EPB41L1: variants seen among roughly 807,000 people sequenced by gnomAD.
EPB41L1 encodes the protein erythrocyte membrane protein band 4.1 like 1, also known as band 4.1-like protein 1.
A neutral mutation model predicts 97.8 loss-of-function variants in EPB41L1; 29 were observed. The ratio of observed to expected loss-of-function variants is 0.30; its 90% CI spans 0.22 to 0.40. EPB41L1 has a LOEUF of 0.40. EPB41L1 is among the 10% of genes least tolerant of loss of function. The pLI is 1.00. For synonymous variants in EPB41L1, 383 were observed against 459.2 expected (o/e 0.83, Z 2.12); for missense variants, 812 against 1,162.3 (o/e 0.70, Z 4.38).
At chr20:36,193,153 G>A (rs2086278821) in intron 11 of EPB41L1, among the ~76,000 whole-genome samples, 1 of 152,170 alleles carries the variant, frequency 6.6e-6, no homozygotes, top group African/African-American at 2.4e-5. Flanking sequence ...GGCAGCAGAG[G>A]TTAGCCCAGA....
At chr20:36,129,313 T>A (rs184274051) in intron 2 of EPB41L1, among the ~76,000 whole-genome samples, 2 of 152,116 alleles carry the variant, frequency 1.3e-5, no homozygotes, top group Non-Finnish European at 2.9e-5. Flanking sequence ...TGGGCTGGAC[T>A]GCGGGGTGAA....
intron 2 of EPB41L1, among the ~76,000 whole-genome samples, chr20:36,117,362 A>T (rs1476957113): frequency 6.6e-6 from 1 of 152,156 alleles, no homozygotes; most frequent in Non-Finnish European, 1.5e-5. Flanking sequence ...GATTTCTCCA[A>T]TCCTTCTTGA....
Position 36,197,976 on chromosome 20 carries a change from G to C in EPB41L1, c.1603G>C (p.Glu535Gln), listed in dbSNP as rs143956221. The C allele has an allele frequency of 1.4e-5, 22 of 1,614,014 alleles. No individual in the cohort carries two copies. The African/African-American group carries it at 2.9e-4, about 22-fold the overall frequency. ...LIHRDRDWER[E>Q]RRLPSSPASP... ...CCACCGGGATCGAGACTGGGAACGG[G>C]AGCGCAGGCTGCCCTCCTCCCCCGC... Residue 535 changes from glutamate (E) to glutamine (Q), a missense_variant, in exon 14 of 22, where the codon GAG becomes CAG. By Grantham distance (29) the Glu-to-Gln change is conservative. Around this residue, in one of 3 missense-constraint regions of EPB41L1, gnomAD observed 498 missense variants for 622.7 expected, o/e 0.80. Coordinates refer to ENST00000338074, the MANE Select transcript of EPB41L1 (RefSeq NM_012156.2).
intron 2 of EPB41L1, among the ~76,000 whole-genome samples, chr20:36,132,722 A>G (rs2059267121): frequency 7.1e-6 from 1 of 141,558 alleles, no homozygotes; most frequent in Non-Finnish European, 1.5e-5. Flanking sequence ...GTGGCCGGGG[A>G]GGGGTATGAG....
At position 36,195,873 on chromosome 20, in the gene EPB41L1, G is replaced by GGGGA. The variant is rs2062175674; in HGVS notation, c.1485+516_1485+519dup. Among the ~76,000 whole-genome samples, 1 of 152,100 alleles carries GGGGA rather than the reference G, an allele frequency of 6.6e-6. No homozygotes were observed. Among genetic ancestry groups the GGGGA allele is most frequent in the African/African-American group, 2.4e-5 (1 of 41,428 alleles). The stretch of plus-strand genomic sequence containing the variant: ...GATGTGGGAGTGGGGATTGGGGGTG[G>GGGGA]GGGAGGGAGGTGCCTCAGAGCACAC... On this transcript the variant is annotated intron_variant, in intron 13 of 21. Coordinates refer to ENST00000338074, the MANE Select transcript of EPB41L1 (RefSeq NM_012156.2). This position sits in a 1 kb window ranked among gnomAD's most constrained non-coding sequence, Gnocchi z 4.6.
intron 13 of EPB41L1, chr20:36,197,621 G>A (rs2062271414): frequency 2.0e-6 from 2 of 985,382 alleles, no homozygotes; most frequent in Non-Finnish European, 1.2e-6. Context: ...AAGGTGGCTT[G>A]ACTAGACATC....
chr20:36,165,022 CCCAGGCT>C (rs2060682100), intron 1 of EPB41L1, among the ~76,000 whole-genome samples: 1 of 150,966 alleles, frequency 6.6e-6, no homozygotes, highest in African/African-American at 2.4e-5. Flanking sequence ...CGTTCTGTCA[CCCAGGCT>C]GGAGTGCAGT....
At chr20:36,196,764 T>C (rs966538534) in intron 13 of EPB41L1, among the ~76,000 whole-genome samples, 1 of 152,360 alleles carries the variant, frequency 6.6e-6, no homozygotes, top group African/African-American at 2.4e-5. Context: ...TGAGTTAACA[T>C]GAATTTTTAA....
chr20:36,208,677 A>C (rs546326158), intron 14 of EPB41L1, among the ~76,000 whole-genome samples: 35 of 152,238 alleles, frequency 2.3e-4, no homozygotes, highest in Non-Finnish European at 4.1e-4. Context: ...TGGTCTTTAA[A>C]AAGAATGTTA....
chr20:36,137,850 A>T (rs893871756), intron 2 of EPB41L1, among the ~76,000 whole-genome samples: 2 of 152,202 alleles, frequency 1.3e-5, no homozygotes, highest in African/African-American at 2.4e-5. Flanking sequence ...AAAAAGTGAA[A>T]CTATATCCAT....
At chr20:36,095,219 G>A (rs550952591) in intron 1 of EPB41L1, among the ~76,000 whole-genome samples, 28 of 152,208 alleles carry the variant, frequency 1.8e-4, no homozygotes, top group East Asian at 5.8e-4. Flanking sequence ...TGATCCACCC[G>A]CCTCGGCCTC....
chr20:36,130,027 C>T (rs764271504), intron 2 of EPB41L1, among the ~76,000 whole-genome samples: 6 of 151,598 alleles, frequency 4.0e-5, no homozygotes, highest in South Asian at 2.1e-4. Flanking sequence ...CTGCAACCTC[C>T]GCCCCCCAGG....
intron 1 of EPB41L1, among the ~76,000 whole-genome samples, chr20:36,094,560 T>G (rs1218071275): frequency 2.0e-5 from 3 of 152,176 alleles, no homozygotes; most frequent in Admixed American, 1.3e-4. Context: ...CCCCCTTTGC[T>G]GCTTGGCTTG....
chr20:36,160,033 C>T (rs1004356541), intron 1 of EPB41L1, among the ~76,000 whole-genome samples: 7 of 152,002 alleles, frequency 4.6e-5, no homozygotes, highest in African/African-American at 7.3e-5. Flanking sequence ...ATGATGATGT[C>T]ATGATGTGAT....
Position 36,229,842 on chromosome 20 carries a change from T to G in EPB41L1, c.*502T>G, listed in dbSNP as rs931534984. 6.5e-6 allele frequency: 1 copy of G among 152,894 alleles called. No homozygotes were observed. 9.5% of individuals were successfully genotyped at this position (152,894 alleles called of 1,614,324 possible). On this transcript the variant is annotated 3_prime_UTR_variant, in exon 22 of 22. Transcript: ENST00000338074. The stretch of plus-strand genomic sequence containing the variant: ...CCCACTTGAATGCAAAGGAAAACAC[T>G]TGCACAGCAAAGCAAGAGAAGTCAC...
In EPB41L1 at chr20:36,212,304, T is replaced by C; in HGVS notation, c.2112T>C (p.Ser704=). ...AAACAGAAACCATGACTGTCAGCAG[T>C]CTGGCCATTAGAAAGAAGATTGAGC... ...PVKTETMTVS[S]LAIRKKIEPE... The change falls in exon 16 of 22, where the codon AGT becomes AGC. Residue 704 remains serine (S), a synonymous_variant. Coordinates refer to ENST00000338074, the MANE Select transcript of EPB41L1 (RefSeq NM_012156.2). The surrounding 1 kb of genome is among the most constrained non-coding windows in gnomAD (Gnocchi z 4.8). The C allele has an allele frequency of 6.2e-7, 1 of 1,614,178 alleles. No homozygotes were observed. The highest frequency in any genetic ancestry group is 1.3e-5 in the African/African-American group (1 of 75,026).
chr20:36,206,441 A>T lies in EPB41L1; in HGVS notation c.1669-3047A>T. 3.1e-6 allele frequency: 4 copies of T among 1,290,046 alleles called. No homozygotes were observed. Among genetic ancestry groups the T allele is most frequent in the Non-Finnish European group, 4.0e-6 (4 of 988,922 alleles). 79.9% of individuals were successfully genotyped at this position (1,290,046 alleles called of 1,614,324 possible). A position where few individuals can be genotyped will look rare whatever the true frequency, so the allele number is the denominator to read the frequency against. On this transcript the variant is annotated intron_variant, in intron 14 of 21. Coordinates refer to ENST00000338074, the MANE Select transcript of EPB41L1 (RefSeq NM_012156.2). The surrounding 1 kb of genome is among the most constrained non-coding windows in gnomAD (Gnocchi z 5.5). ...GAAGCCAGAGCTGAGTTGAGCAATG[A>T]AACTGATACTTCCTTTGCAGAGAGG...
rs544761422 is a variant in EPB41L1 at position 36,187,891 on chromosome 20, T to G, written c.873+128T>G. On this transcript the variant is annotated intron_variant, in intron 8 of 21. Transcript: ENST00000338074. Reference sequence around the variant, plus strand: ...AACTTGAAACCTTTTCTGTTCTCATTCTCATTTCTCGAAGTTCCATAACCT... The same window carrying G: ...AACTTGAAACCTTTTCTGTTCTCATGCTCATTTCTCGAAGTTCCATAACCT... 5.0e-5 allele frequency: 39 copies of G among 782,620 alleles called. No individual in the cohort carries two copies. The South Asian group carries it at 5.7e-4, about 11-fold the overall frequency. 48.5% of individuals were successfully genotyped at this position (782,620 alleles called of 1,614,324 possible).
chr20:36,172,661 T>G (rs1337433274), intron 1 of EPB41L1, among the ~76,000 whole-genome samples: 1 of 152,140 alleles, frequency 6.6e-6, no homozygotes, highest in Admixed American at 6.5e-5. Context: ...AGTGCAGTGG[T>G]GCAATCTCAG....
Sources: allele counts gnomAD v4.1 joint callset (sites outside exome capture counted in the v4.1 genomes callset), GRCh38; gene constraint gnomAD v4.1.1; regional missense constraint gnomAD v4.1.1; non-coding constraint Gnocchi (gnomAD v3.1); transcripts MANE v1.5; gene names NCBI Gene and HGNC (gene_info 2026-07-23, HGNC 2026-07-21).